The following SNCAIP variants were observed in gnomAD, a reference collection of about 807,000 sequenced individuals.
SNCAIP encodes the protein synuclein alpha interacting protein.
In SNCAIP, 43 loss-of-function variants were observed where a neutral mutation model predicts 86.7. The ratio of observed to expected loss-of-function variants is 0.50; its 90% confidence interval spans 0.39 to 0.64. The LOEUF is 0.64. SNCAIP is among the 30% of genes least tolerant of loss of function. SNCAIP has a pLI of 0.00. For synonymous variants in SNCAIP, 417 were observed against 427.2 expected, an observed-to-expected ratio of 0.98 and a Z score of 0.29; for missense variants, 981 against 1,103.1, an observed-to-expected ratio of 0.89 and a Z score of 1.57.
At chr5:122,368,401 G>T (rs915392385) in intron 1 of SNCAIP, among the ~76,000 whole-genome samples, 1 of 152,038 alleles carries the variant, frequency 6.6e-6, no homozygotes, top group African/African-American at 2.4e-5. Context: ...TTCAAATTCT[G>T]TCATCCTTCT....
chr5:122,311,989 A>G (rs1351471582), upstream of SNCAIP: 2 of 147,966 alleles, frequency 1.4e-5, no homozygotes. Flanking sequence ...CAGCCTCCGC[A>G]GTGGCAGTGG....
intron 10 of SNCAIP, among the ~76,000 whole-genome samples, chr5:122,457,064 C>T (rs535221259): frequency 1.3e-5 from 2 of 152,230 alleles, no homozygotes; most frequent in South Asian, 2.1e-4. Flanking sequence ...TGCAGTGGTG[C>T]GATCTTGGCT....
chr5:122,463,582 T>A lies in SNCAIP; in HGVS notation c.*86T>A. 6.6e-7 allele frequency: 1 copy of A among 1,526,026 alleles called. No homozygotes were observed. Among genetic ancestry groups the A allele is most frequent in the Non-Finnish European group, 9.0e-7 (1 of 1,106,724 alleles). 94.5% of individuals were successfully genotyped at this position (1,526,026 alleles called of 1,614,324 possible). A position where few individuals can be genotyped will look rare whatever the true frequency, so the allele number is the denominator to read the frequency against. Reference sequence around the variant, plus strand: ...AAAAGAACTCTTCTTGTAAATCACTTTTTAAATTTTCTCTCACTGATGCCC... The same window carrying A: ...AAAAGAACTCTTCTTGTAAATCACTATTTAAATTTTCTCTCACTGATGCCC... On this transcript the variant is annotated 3_prime_UTR_variant, in exon 11 of 11. Coordinates refer to ENST00000261368, the MANE Select transcript of SNCAIP (RefSeq NM_005460.4).
At chr5:122,366,094 G>A (rs891669562) in intron 1 of SNCAIP, among the ~76,000 whole-genome samples, 1 of 152,292 alleles carries the variant, frequency 6.6e-6, no homozygotes, top group South Asian at 2.1e-4. Flanking sequence ...ATTTTATACA[G>A]AGGAAAATTA....
chr5:122,458,617 T>C (rs1785371942), intron 10 of SNCAIP, among the ~76,000 whole-genome samples: 1 of 152,148 alleles, frequency 6.6e-6, no homozygotes, highest in South Asian at 2.1e-4. Context: ...CCCCGGCCAG[T>C]CACTGGTGCT....
At chr5:122,342,528 T>G (rs1757795368) in intron 1 of SNCAIP, among the ~76,000 whole-genome samples, 1 of 152,200 alleles carries the variant, frequency 6.6e-6, no homozygotes, top group Non-Finnish European at 1.5e-5. Flanking sequence ...ACTCCTATGA[T>G]GAAGTGAGGG....
chr5:122,338,880 C>T (rs1472113271), intron 1 of SNCAIP, among the ~76,000 whole-genome samples: 1 of 151,994 alleles, frequency 6.6e-6, no homozygotes, highest in Non-Finnish European at 1.5e-5. Context: ...ATATTAAGTC[C>T]TCTAAATAGA....
chr5:122,373,916 CT>C (rs1267376822), intron 1 of SNCAIP, among the ~76,000 whole-genome samples: 1 of 152,104 alleles, frequency 6.6e-6, no homozygotes, highest in Non-Finnish European at 1.5e-5. Context: ...CTTTGGGTGG[CT>C]GGTGTGGTGG....
At chr5:122,311,677 G>C (rs1580682097), upstream of SNCAIP, 1 of 152,588 alleles carries the variant, frequency 6.6e-6, no homozygotes, top group East Asian at 1.9e-4. Context: ...AAGGGGGTGG[G>C]GGGCAGGAGG....
chr5:122,422,935 C>T lies in SNCAIP; in HGVS notation c.198C>T (p.Ile66=), dbSNP rs370204801. Residue 66 remains isoleucine (I), a synonymous_variant, in exon 4 of 11, where the codon ATC becomes ATT. Coordinates refer to ENST00000261368, the MANE Select transcript of SNCAIP (RefSeq NM_005460.4). The part of the protein sequence containing the change: ...LITNTQKPTG[I]ADVYSKFRPV... ...CAAACACGCAAAAGCCCACAGGAAT[C>T]GCTGATGTGTACAGTAAGTTCCGCC... 57 of 1,613,930 alleles carry T rather than the reference C, an allele frequency of 3.5e-5. No individual in the cohort carries two copies. The highest frequency in any genetic ancestry group is 3.3e-4 in the East Asian group (15 of 44,884).
At chr5:122,444,818 C>T (rs568965101) in intron 8 of SNCAIP, 86 bp downstream of exon 8, 2 of 1,120,180 alleles carry the variant, frequency 1.8e-6, no homozygotes, top group African/African-American at 1.5e-5. Context: ...GCTGAGCACT[C>T]TTCTTTCCAG....
Position 122,451,379 on chromosome 5 carries a change from C to G in SNCAIP, c.2532C>G (p.Leu844=). ...AAGACAAAGATAAGGGCAGGACTCT[C>G]CAGCGGACCTCCACAAGTAACGAAT... ...GEKDKDKGRT[L]QRTSTSNESG... Residue 844 remains leucine, a synonymous_variant, in exon 10 of 11, where the codon CTC becomes CTG. Transcript: ENST00000261368. 6.2e-7 allele frequency: 1 copy of G among 1,614,152 alleles called. No individual in the cohort carries two copies. The highest frequency in any genetic ancestry group is 8.5e-7 in the Non-Finnish European group (1 of 1,180,020).
chr5:122,425,747 A>G (rs1777240676), intron 5 of SNCAIP, among the ~76,000 whole-genome samples: 2 of 152,222 alleles, frequency 1.3e-5, no homozygotes, highest in East Asian at 3.8e-4. Flanking sequence ...ACTAAAGAGA[A>G]AGGAAAATGA....
intron 1 of SNCAIP, among the ~76,000 whole-genome samples, chr5:122,364,929 T>G (rs1479043965): frequency 6.6e-6 from 1 of 152,182 alleles, no homozygotes; most frequent in Non-Finnish European, 1.5e-5. Context: ...AATATACTGC[T>G]CAGTGCCTTT....
At chr5:122,456,763 G>T (rs1784848824) in intron 10 of SNCAIP, among the ~76,000 whole-genome samples, 1 of 152,068 alleles carries the variant, frequency 6.6e-6, no homozygotes, top group African/African-American at 2.4e-5. Context: ...TAACTCATAT[G>T]CTTGATTCTT....
intron 5 of SNCAIP, among the ~76,000 whole-genome samples, chr5:122,428,086 A>G (rs1477962502): frequency 6.6e-6 from 1 of 152,206 alleles, no homozygotes; most frequent in East Asian, 1.9e-4. Context: ...CTAAAACAGG[A>G]CAGAAGAAGT....
chr5:122,318,201 T>C (rs1752190146), intron 1 of SNCAIP, among the ~76,000 whole-genome samples: 1 of 152,124 alleles, frequency 6.6e-6, no homozygotes, highest in African/African-American at 2.4e-5. Flanking sequence ...CATGCTTAAA[T>C]GCTTCATTGC....
intron 9 of SNCAIP, among the ~76,000 whole-genome samples, chr5:122,450,250 T>G (rs546697576): frequency 6.6e-6 from 1 of 152,184 alleles, no homozygotes; most frequent in Non-Finnish European, 1.5e-5. Context: ...GCTTGATAAG[T>G]TTGTTGAAAA....
chr5:122,410,643 T>A (rs1220646298), intron 3 of SNCAIP, among the ~76,000 whole-genome samples: 1 of 152,064 alleles, frequency 6.6e-6, no homozygotes, highest in Non-Finnish European at 1.5e-5. Flanking sequence ...GCCAACATGG[T>A]GAAACCCTGT....
Sources: gnomAD v4.1 joint callset for allele counts (sites outside exome capture counted in the v4.1 genomes callset) on GRCh38, gnomAD v4.1.1 for gene constraint, MANE v1.5 for transcripts, NCBI Gene and HGNC (gene_info 2026-07-23, HGNC 2026-07-21) for gene names.